The following ADAM8 variants were observed in gnomAD, a reference collection of about 807,000 sequenced individuals.
ADAM8 encodes the protein disintegrin and metalloproteinase domain-containing protein 8.
ADAM8 carries 104 observed loss-of-function variants against 102.4 expected under a neutral mutation model. The ratio of observed to expected loss-of-function variants is 1.02; its 90% CI spans 0.87 to 1.20. The LOEUF (loss-of-function observed/expected upper bound fraction) is 1.20. Among genes scored for constraint, ADAM8 ranks in the 50% most tolerant of loss-of-function variants. The pLI is 0.00. For synonymous variants in ADAM8, 517 were observed against 485.2 expected, an observed-to-expected ratio of 1.07 and a Z score of -0.86; for missense variants, 1,132 against 1,159.0, an observed-to-expected ratio of 0.98 and a Z score of 0.34.
At position 133,268,857 on chromosome 10, in the gene ADAM8, C is replaced by A. The variant is rs757636021; in HGVS notation, c.1954G>T (p.Gly652Trp). ...ACCACCACGAAGACGGGGAGGCTCC[C>A]GGACGCTGTGGGACACACGGCCCCA... ...KLLTEVHAAS[G>W]SLPVFVVVVL... The change falls in exon 19 of 23, where the codon GGG (glycine) becomes TGG (tryptophan). Residue 652 changes from glycine to tryptophan, a missense_variant. Physicochemically the swap from Gly to Trp is radical, Grantham distance 184. Coordinates refer to ENST00000445355, the MANE Select transcript of ADAM8 (RefSeq NM_001109.5). 6.2e-7 allele frequency: 1 copy of A among 1,605,916 alleles called. No homozygotes were observed. Among genetic ancestry groups the A allele is most frequent in the Admixed American group, 1.7e-5 (1 of 59,944 alleles).
intron 12 of ADAM8, 38 bp downstream of exon 12, chr10:133,271,490 C>A: frequency 6.6e-7 from 1 of 1,522,300 alleles, no homozygotes; most frequent in Non-Finnish European, 8.9e-7. Context: ...GTTGTGGCAC[C>A]CAGTGCTGAC....
intron 19 of ADAM8, among the ~76,000 whole-genome samples, 171 bp from the exon 20 acceptor site, chr10:133,268,289 G>A (rs568514995): frequency 1.3e-5 from 2 of 152,346 alleles, no homozygotes; most frequent in Admixed American, 1.3e-4. Flanking sequence ...AAGAGGCAGG[G>A]ACACCCCCTC....
intron 19 of ADAM8, 85 bp downstream of exon 19, chr10:133,268,663 T>C (rs893616535): frequency 4.2e-6 from 6 of 1,425,922 alleles, no homozygotes; most frequent in Non-Finnish European, 4.8e-6. Flanking sequence ...CCGTCCACCA[T>C]GGGCCCGTGC....
intron 21 of ADAM8, among the ~76,000 whole-genome samples, chr10:133,265,261 C>T (rs1434871350): frequency 1.7e-4 from 4 of 23,612 alleles, no homozygotes; most frequent in Admixed American, 1.2e-3. Context: ...TCTACCGCCA[C>T]GCCCGGCTCC....
intron 18 of ADAM8, 135 bp from the exon 19 acceptor site, chr10:133,268,997 C>T: frequency 1.4e-6 from 2 of 1,458,634 alleles, no homozygotes; most frequent in Admixed American, 2.4e-5. Flanking sequence ...GACCTGGTAC[C>T]TTACACTGGC....
intron 16 of ADAM8, 73 bp downstream of exon 16, chr10:133,270,287 C>T (rs573946651): frequency 5.8e-5 from 88 of 1,517,816 alleles, no homozygotes; most frequent in Admixed American, 1.8e-4. Context: ...AGCTCAGAAA[C>T]GCATCTGCAC....
chr10:133,273,056 A>G (rs764874070), intron 6 of ADAM8, 37 bp from the exon 7 acceptor site: 2 of 1,612,412 alleles, frequency 1.2e-6, no homozygotes, highest in African/African-American at 2.7e-5. Flanking sequence ...CAGCCTTCCC[A>G]GCGCCGGGGC....
chr10:133,269,532 G>A lies in ADAM8; in HGVS notation c.1864-3C>T. On this transcript the variant is annotated splice_region_variant and splice_polypyrimidine_tract_variant and intron_variant, in intron 17 of 22. Coordinates refer to ENST00000445355, the MANE Select transcript of ADAM8 (RefSeq NM_001109.5). ...CACTCCTGCTTGTGGTTGCACACCT[G>A]CGGGGACGGCTGGGCTCAGGGCCAA... 2 of 1,592,752 alleles carry A rather than the reference G, an allele frequency of 1.3e-6. No homozygotes were observed. Among genetic ancestry groups the A allele is most frequent in the South Asian group, 2.2e-5 (2 of 89,328 alleles).
intron 13 of ADAM8, 22 bp from the exon 14 acceptor site, chr10:133,271,092 C>A (rs949477572): frequency 6.2e-7 from 1 of 1,604,002 alleles, no homozygotes; most frequent in Non-Finnish European, 8.5e-7. Flanking sequence ...GAGAACAGCT[C>A]ACCATGGGGA....
At chr10:133,267,210 C>T in intron 21 of ADAM8, 142 bp downstream of exon 21, 3 of 893,378 alleles carry the variant, frequency 3.4e-6, no homozygotes, top group East Asian at 2.7e-5. Flanking sequence ...GATGTCCTCA[C>T]GAGGTCGGGC....
intron 19 of ADAM8, among the ~76,000 whole-genome samples, chr10:133,268,491 C>T (rs983402951): frequency 9.9e-5 from 15 of 152,132 alleles, no homozygotes; most frequent in Non-Finnish European, 1.5e-5. Flanking sequence ...TCTGGATTTG[C>T]CCCAAGCCCA....
chr10:133,275,361 A>T, intron 2 of ADAM8, 123 bp downstream of exon 2: 2 of 702,882 alleles, frequency 2.8e-6, no homozygotes, highest in Non-Finnish European at 4.7e-6. Flanking sequence ...AGGGGGCTAG[A>T]GCTGTACAGG....
intron 20 of ADAM8, 113 bp from the exon 21 acceptor site, chr10:133,267,530 G>A (rs1263763816): frequency 1.8e-6 from 2 of 1,108,622 alleles, no homozygotes; most frequent in Non-Finnish European, 2.5e-6. Flanking sequence ...GGAGGCGTCT[G>A]CGCGGCCCAC....
rs1376764348 is a variant in ADAM8 at position 133,272,816 on chromosome 10, C to T, written c.687G>A (p.Val229=). 4 of 1,610,806 alleles carry T rather than the reference C, an allele frequency of 2.5e-6. No homozygotes were observed. Among genetic ancestry groups the T allele is most frequent in the Non-Finnish European group, 3.4e-6 (4 of 1,178,698 alleles). ...EAAVRHRVLE[V]VNHVDKLYQK... ...TGCCCACCTTGTCCACGTGATTCAC[C>T]ACCTCCAGCACCCGATGACGCACGG... is the stretch of plus-strand genomic sequence containing the variant. The change falls in exon 8 of 23, where the codon GTG becomes GTA. Residue 229 remains valine (V), a synonymous_variant. Transcript: ENST00000445355.
chr10:133,275,136 C>A (rs561386646), intron 2 of ADAM8: 9 of 349,554 alleles, frequency 2.6e-5, no homozygotes, highest in Middle Eastern at 5.6e-4. Context: ...CAGGCCCCCC[C>A]CCCAACACAG....
intron 6 of ADAM8, 33 bp downstream of exon 6, chr10:133,273,221 G>A: frequency 8.2e-6 from 13 of 1,593,094 alleles, no homozygotes; most frequent in Non-Finnish European, 1.1e-5. Context: ...ACACCGGCAG[G>A]GCCAGCCAAA....
intron 12 of ADAM8, 44 bp from the exon 13 acceptor site, chr10:133,271,333 G>C (rs1430247417): frequency 2.1e-5 from 33 of 1,586,006 alleles, no homozygotes; most frequent in Non-Finnish European, 2.7e-5. Context: ...CTGGGGCCGG[G>C]CTGGGCTCCA....
Position 133,274,246 on chromosome 10 carries a change from A to T in ADAM8, c.151-11T>A. On this transcript the variant is annotated splice_polypyrimidine_tract_variant and intron_variant, in intron 2 of 22. Coordinates refer to ENST00000445355, the MANE Select transcript of ADAM8 (RefSeq NM_001109.5). Reference sequence around the variant, plus strand: ...CTCTGGGTGCAGGCCCTGAGCGAGGAGGGAAGGGTCCCAGGTGAGCAGCCT... The same window carrying T: ...CTCTGGGTGCAGGCCCTGAGCGAGGTGGGAAGGGTCCCAGGTGAGCAGCCT... 2 of 1,539,156 alleles carry T rather than the reference A, an allele frequency of 1.3e-6. No individual in the cohort carries two copies. Among genetic ancestry groups the T allele is most frequent in the South Asian group, 2.5e-5 (2 of 79,918 alleles).
rs764109388 is a variant in ADAM8 at position 133,272,505 on chromosome 10, G to A, written c.786C>T (p.Pro262=). ...GGTTCTCCAGTGTGACACTGGGGTCGGGGCTGACGTGGAACCTGTCCTGAC... is the reference window on the plus strand; with the variant it reads ...GGTTCTCCAGTGTGACACTGGGGTCAGGGCTGACGTGGAACCTGTCCTGAC... ...WNSQDRFHVS[P]DPSVTLENLL... Residue 262 remains proline, a synonymous_variant, in exon 9 of 23, where the codon CCC becomes CCT. Coordinates refer to ENST00000445355, the MANE Select transcript of ADAM8 (RefSeq NM_001109.5). 34 of 1,612,108 alleles carry A rather than the reference G, an allele frequency of 2.1e-5. 1 individual carries two copies. Among genetic ancestry groups the A allele is most frequent in the Middle Eastern group, 3.3e-4 (2 of 6,066 alleles).
Sources: gnomAD v4.1 joint callset for allele counts (sites outside exome capture counted in the v4.1 genomes callset) on GRCh38, gnomAD v4.1.1 for gene constraint, MANE v1.5 for transcripts, NCBI Gene and HGNC (gene_info 2026-07-23, HGNC 2026-07-21) for gene names.